Variants in DCC observed in about 807,000 individuals in gnomAD.
DCC encodes the protein netrin receptor DCC.
A neutral mutation model predicts 172.5 loss-of-function variants in DCC; 58 were observed. That is an observed-to-expected ratio of 0.34 (90% CI 0.27 to 0.42). The LOEUF (loss-of-function observed/expected upper bound fraction) is 0.42, where lower values mean the gene tolerates loss of function less well. DCC is among the 10% of genes least tolerant of loss of function. The pLI is 1.00. For synonymous variants in DCC, 709 were observed against 644.5 expected, an observed-to-expected ratio of 1.10 and a Z score of -1.52; for missense variants, 1,740 against 1,791.0, an observed-to-expected ratio of 0.97 and a Z score of 0.51.
intron 1 of DCC, among the ~76,000 whole-genome samples, chr18:52,472,916 T>C (rs574176443): frequency 3.1e-4 from 47 of 151,998 alleles, no homozygotes; most frequent in Admixed American, 1.5e-3. Flanking sequence ...CAAAAATAAA[T>C]AAATTAAATT....
intron 1 of DCC, among the ~76,000 whole-genome samples, chr18:52,491,155 C>G (rs535348044): frequency 3.9e-5 from 6 of 152,106 alleles, no homozygotes; most frequent in Admixed American, 2.6e-4. Context: ...CCTCTTTTCT[C>G]TTTATCTTAC....
intron 2 of DCC, among the ~76,000 whole-genome samples, chr18:52,817,059 G>A (rs891245712): frequency 5.3e-5 from 8 of 151,882 alleles, no homozygotes; most frequent in Admixed American, 3.3e-4. Flanking sequence ...TGTTCCAGAC[G>A]TTATATTACA....
At chr18:53,402,938 T>C in intron 19 of DCC, 45 bp downstream of exon 19, 1 of 1,377,434 alleles carries the variant, frequency 7.3e-7, no homozygotes, top group Non-Finnish European at 1.0e-6. Flanking sequence ...TCCCTTGTCC[T>C]ATAATTGCTT....
rs147551581 is a variant in DCC, at chr18:52,595,944, T to G, written c.92-156110T>G. Among the ~76,000 whole-genome samples, 392 of 152,300 alleles carry G rather than the reference T, an allele frequency of 2.6e-3. 2 individuals are homozygous for G. Among genetic ancestry groups the G allele is most frequent in the African/African-American group, 9.1e-3 (378 of 41,574 alleles). ...GCCAAGACATGGTTTTTTCCTTTAA[T>G]TCTTCTTTCAGATGCTTCTCTTAAG... is the stretch of plus-strand genomic sequence containing the variant. On this transcript the variant is annotated intron_variant, in intron 1 of 28. Coordinates refer to ENST00000442544, the MANE Select transcript of DCC (RefSeq NM_005215.4).
chr18:52,683,409 T>C (rs1166830686), intron 1 of DCC, among the ~76,000 whole-genome samples: 1 of 152,096 alleles, frequency 6.6e-6, no homozygotes, highest in African/African-American at 2.4e-5. Flanking sequence ...TTCTTCTAAA[T>C]TTCTAGAGCA....
At chr18:52,801,369 C>A (rs1040853545) in intron 2 of DCC, among the ~76,000 whole-genome samples, 3 of 152,062 alleles carry the variant, frequency 2.0e-5, no homozygotes, top group Non-Finnish European at 4.4e-5. Context: ...TGTAACAAAG[C>A]CTATTCTAAT....
At chr18:52,655,986 GTATA>G (rs61544050) in intron 1 of DCC, among the ~76,000 whole-genome samples, 6 of 136,244 alleles carry the variant, frequency 4.4e-5, no homozygotes, top group Non-Finnish European at 7.7e-5. Flanking sequence ...GTGTGTGTGT[GTATA>G]TATATATGTG....
At chr18:52,971,066 T>C (rs1416473763) in intron 5 of DCC, among the ~76,000 whole-genome samples, 3 of 152,160 alleles carry the variant, frequency 2.0e-5, no homozygotes, top group Non-Finnish European at 2.9e-5. Flanking sequence ...AGTATGTAAA[T>C]GAGATTTTTA....
rs151140409 is a variant in DCC at position 52,986,815 on chromosome 18, T to TAC, written c.985+61457_985+61458dup. On this transcript the variant is annotated intron_variant, in intron 5 of 28. Coordinates refer to ENST00000442544, the MANE Select transcript of DCC (RefSeq NM_005215.4). Reference sequence around the variant, plus strand: ...TATACACACACGTGTAGTATATATATACACACACACACATATACATACACA... The same window carrying TAC: ...TATACACACACGTGTAGTATATATATACACACACACACACATATACATACACA... Among the ~76,000 whole-genome samples, 331 of 149,528 alleles carry TAC rather than the reference T, an allele frequency of 2.2e-3. 1 individual carries two copies. The highest frequency in any genetic ancestry group is 5.6e-3 in the African/African-American group (226 of 40,444).
At chr18:53,402,169 A>G (rs1161628887) in intron 18 of DCC, among the ~76,000 whole-genome samples, 1 of 152,162 alleles carries the variant, frequency 6.6e-6, no homozygotes, top group Non-Finnish European at 1.5e-5. Context: ...TTGTAACAGA[A>G]TTCTTCTGAA....
At chr18:52,515,560 T>C (rs1433129066) in intron 1 of DCC, among the ~76,000 whole-genome samples, 7 of 118,680 alleles carry the variant, frequency 5.9e-5, no homozygotes, top group Non-Finnish European at 9.9e-5. Flanking sequence ...TGAGCCGAGA[T>C]AGTGCCACTG....
rs528727659 is a variant in DCC at position 52,937,910 on chromosome 18, G to A, written c.985+12540G>A. 7.9e-5 allele frequency among the ~76,000 whole-genome samples: 12 copies of A among 151,978 alleles called. No individual in the cohort carries two copies. In the East Asian group the frequency reaches 1.2e-3, roughly 15 times the overall value. ...GGTAAGCGGCCATGACATATCATTCGGACTCTAAACTTTGTACAGTGAGCG... is the reference window on the plus strand; with the variant it reads ...GGTAAGCGGCCATGACATATCATTCAGACTCTAAACTTTGTACAGTGAGCG... On this transcript the variant is annotated intron_variant, in intron 5 of 28. Coordinates refer to ENST00000442544, the MANE Select transcript of DCC (RefSeq NM_005215.4).
At chr18:52,465,790 G>A (rs117571890) in intron 1 of DCC, among the ~76,000 whole-genome samples, 2,524 of 149,694 alleles carry the variant, frequency 0.017, 44 homozygotes, top group Non-Finnish European at 0.023. Flanking sequence ...CTGGCCTAGG[G>A]TCTGTCACTA....
At chr18:53,019,626 A>G (rs1436529547) in intron 5 of DCC, among the ~76,000 whole-genome samples, 1 of 152,156 alleles carries the variant, frequency 6.6e-6, no homozygotes, top group East Asian at 1.9e-4. Flanking sequence ...TCCAGGATAT[A>G]TATCACATTA....
At chr18:52,828,057 A>T (rs983863667) in intron 2 of DCC, among the ~76,000 whole-genome samples, 1 of 152,050 alleles carries the variant, frequency 6.6e-6, no homozygotes. Context: ...TCCCAGCTCT[A>T]GTATGATCTT....
intron 12 of DCC, among the ~76,000 whole-genome samples, chr18:53,303,675 C>T (rs1000694196): frequency 6.6e-6 from 1 of 152,136 alleles, no homozygotes; most frequent in Non-Finnish European, 1.5e-5. Flanking sequence ...CAGGCAGGAG[C>T]TAGGGTGAGC....
chr18:52,735,843 T>C (rs569792276), intron 1 of DCC, among the ~76,000 whole-genome samples: 4 of 152,268 alleles, frequency 2.6e-5, no homozygotes, highest in Non-Finnish European at 5.9e-5. Context: ...AACAATACTT[T>C]GCATACTTCA....
intron 2 of DCC, among the ~76,000 whole-genome samples, chr18:52,891,862 A>G (rs532557238): frequency 2.0e-5 from 3 of 152,170 alleles, no homozygotes; most frequent in Non-Finnish European, 4.4e-5. Context: ...TCTCTCTGAG[A>G]TTCCTGCTTC....
chr18:52,613,314 G>T (rs887217684), intron 1 of DCC, among the ~76,000 whole-genome samples: 2 of 151,980 alleles, frequency 1.3e-5, no homozygotes, highest in African/African-American at 2.4e-5. Flanking sequence ...GGAGTGCATT[G>T]GTGCTAGCTC....
Sources: allele counts gnomAD v4.1 joint callset (sites outside exome capture counted in the v4.1 genomes callset), GRCh38; gene constraint gnomAD v4.1.1; transcripts MANE v1.5; gene names NCBI Gene and HGNC (gene_info 2026-07-23, HGNC 2026-07-21).